The following FBXL18 variants were observed in gnomAD, a reference collection of about 807,000 sequenced individuals.
FBXL18 encodes F-box and leucine rich repeat protein 18, also known as F-box/LRR-repeat protein 18.
A neutral mutation model predicts 46.0 loss-of-function variants in FBXL18; 36 were observed. The observed-to-expected ratio is 0.78, with a 90% CI of 0.60 to 1.03. FBXL18 has a LOEUF of 1.03. Among genes scored for constraint, FBXL18 ranks in the 50% least tolerant of loss-of-function variants. The pLI is 0.00. For missense variants in FBXL18, 977 were observed against 1,004.1 expected (o/e 0.97, Z 0.36); for synonymous variants, 557 against 465.3 (o/e 1.20, Z -2.54).
intron 4 of FBXL18, among the ~76,000 whole-genome samples, chr7:5,464,697 A>C (rs1456791883): frequency 1.4e-4 from 15 of 108,912 alleles, no homozygotes; most frequent in African/African-American, 4.8e-4. Flanking sequence ...TAAGATGGTT[A>C]ATTAAAAAAA....
At chr7:5,457,294 C>A (rs955387905) in intron 4 of FBXL18, among the ~76,000 whole-genome samples, 12 of 152,202 alleles carry the variant, frequency 7.9e-5, no homozygotes, top group Non-Finnish European at 1.6e-4. Flanking sequence ...TGCTCTCATT[C>A]CCCTGGTCAG....
chr7:5,488,908 T>C (rs1178848673), intron 4 of FBXL18, among the ~76,000 whole-genome samples: 1 of 152,200 alleles, frequency 6.6e-6, no homozygotes, highest in Non-Finnish European at 1.5e-5. Context: ...CTAAGCCCTT[T>C]GGAGCCTGTG....
intron 4 of FBXL18, among the ~76,000 whole-genome samples, chr7:5,467,525 G>A (rs1268575340): frequency 6.6e-6 from 1 of 151,490 alleles, no homozygotes; most frequent in Non-Finnish European, 1.5e-5. Context: ...CAGCCTGGGA[G>A]GCAGAGTGAG....
intron 4 of FBXL18, among the ~76,000 whole-genome samples, chr7:5,458,317 C>A (rs1342140229): frequency 1.3e-5 from 2 of 152,202 alleles, no homozygotes; most frequent in African/African-American, 4.8e-5. Context: ...GTAATCCCAG[C>A]ATTTTGGGAG....
intron 4 of FBXL18, among the ~76,000 whole-genome samples, chr7:5,485,565 GCACT>G (rs765521327): frequency 2.3e-4 from 35 of 152,246 alleles, no homozygotes; most frequent in Non-Finnish European, 4.6e-4. Flanking sequence ...TGTAATCCCA[GCACT>G]CTGGGAAGCT....
chr7:5,464,289 G>C lies in FBXL18; in HGVS notation c.2001-16446C>G, dbSNP rs374484058. On this transcript the variant is annotated intron_variant and NMD_transcript_variant, in intron 4 of 6. Transcript: ENST00000415009. Reference sequence around the variant, plus strand: ...AGGTCAGGAGTTCAAGACCAGCCTGGTCAACATGACAAAACCCTGTCTCTA... The same window carrying C: ...AGGTCAGGAGTTCAAGACCAGCCTGCTCAACATGACAAAACCCTGTCTCTA... Among the ~76,000 whole-genome samples, 6 of 152,140 alleles carry C rather than the reference G, an allele frequency of 3.9e-5. No individual in the cohort carries two copies. In the East Asian group the frequency reaches 9.8e-4, roughly 25 times the overall value.
chr7:5,496,337 C>T lies in FBXL18; in HGVS notation c.1781+4151G>A, dbSNP rs1038250446. On this transcript the variant is annotated intron_variant, in intron 3 of 4. Transcript: ENST00000382368. This position sits in a 1 kb window ranked among gnomAD's most constrained non-coding sequence, Gnocchi z 4.8. ...TGCCGTCACCTCTGCCTCTTGCTTCCGGAACACCCCCTCCCTCCGGCCAGT... is the reference window on the plus strand; with the variant it reads ...TGCCGTCACCTCTGCCTCTTGCTTCTGGAACACCCCCTCCCTCCGGCCAGT... Among the ~76,000 whole-genome samples the T allele has an allele frequency of 1.3e-5, 2 of 152,152 alleles. No homozygotes were observed. The highest frequency in any genetic ancestry group is 4.8e-5 in the African/African-American group (2 of 41,434).
chr7:5,462,950 CAAAAAA>C (rs138208570), intron 4 of FBXL18, among the ~76,000 whole-genome samples: 544 of 22,380 alleles, frequency 0.024, 57 homozygotes, highest in African/African-American at 0.07. Context: ...GACTTGGTCT[CAAAAAA>C]AAAAAAAAAA....
rs1486806348 is a variant in FBXL18, at chr7:5,455,126, C to T, written c.2001-7283G>A. Among the ~76,000 whole-genome samples, 1 of 152,192 alleles carries T rather than the reference C, an allele frequency of 6.6e-6. No individual in the cohort carries two copies. The highest frequency in any genetic ancestry group is 2.4e-5 in the African/African-American group (1 of 41,446). On this transcript the variant is annotated intron_variant and NMD_transcript_variant, in intron 4 of 6. Transcript: ENST00000415009. This position sits in a 1 kb window ranked among gnomAD's most constrained non-coding sequence, Gnocchi z 4.6. ...AAACTCGAGGCTGGCTTCCTATCCTCTTGCTCAGGGAGCAACCCTGGCACT... is the reference window on the plus strand; with the variant it reads ...AAACTCGAGGCTGGCTTCCTATCCTTTTGCTCAGGGAGCAACCCTGGCACT...
Position 5,501,735 on chromosome 7 carries a change from C to T in FBXL18, c.534G>A (p.Gln178=). ...ATLSRVRELK[Q]TLFTPSYGVV... ...CGCCGTAGGAGGGAGTGAACAGCGTCTGCTTGAGCTCCCGCACGCGGCTCA... is the reference window on the plus strand; with the variant it reads ...CGCCGTAGGAGGGAGTGAACAGCGTTTGCTTGAGCTCCCGCACGCGGCTCA... Residue 178 remains glutamine, a synonymous_variant, in exon 3 of 5, where the codon CAG becomes CAA. Coordinates refer to ENST00000382368, the MANE Select transcript of FBXL18 (RefSeq NM_024963.6). The T allele has an allele frequency of 6.4e-7, 1 of 1,570,132 alleles. No individual in the cohort carries two copies. The highest frequency in any genetic ancestry group is 8.6e-7 in the Non-Finnish European group (1 of 1,157,154).
downstream of FBXL18, among the ~76,000 whole-genome samples, chr7:5,473,750 G>A (rs1783463864): frequency 7.0e-6 from 1 of 142,210 alleles, no homozygotes; most frequent in Non-Finnish European, 1.5e-5. Context: ...GACAGAATGG[G>A]ACTCCATCTC....
intron 4 of FBXL18, among the ~76,000 whole-genome samples, chr7:5,468,267 C>G (rs145779613): frequency 0.026 from 3,928 of 151,160 alleles, 74 homozygotes; most frequent in Middle Eastern, 0.054. Context: ...ACAGGCATGA[C>G]CCACTGCGCC....
chr7:5,472,369 G>C (rs935971503), downstream of FBXL18, among the ~76,000 whole-genome samples: 1 of 152,204 alleles, frequency 6.6e-6, no homozygotes, highest in African/African-American at 2.4e-5. Flanking sequence ...TTCTGGGACT[G>C]CCTTGGTCAA....
At chr7:5,465,538 G>A (rs1037718468) in intron 4 of FBXL18, among the ~76,000 whole-genome samples, 2 of 151,892 alleles carry the variant, frequency 1.3e-5, no homozygotes, top group Non-Finnish European at 2.9e-5. Context: ...GCAGTGGTGC[G>A]ATCATAGCTC....
intron 3 of FBXL18, among the ~76,000 whole-genome samples, chr7:5,499,460 A>G (rs1193188607): frequency 1.3e-5 from 2 of 152,182 alleles, no homozygotes; most frequent in Non-Finnish European, 2.9e-5. Flanking sequence ...AGGCGTGGTG[A>G]CTTATGCCTT....
intron 4 of FBXL18, among the ~76,000 whole-genome samples, chr7:5,463,493 CTTGCAG>C (rs1156801477): frequency 6.6e-6 from 1 of 151,504 alleles, no homozygotes. Flanking sequence ...GTGGTGCATG[CTTGCAG>C]TCCCAGCTAC....
In FBXL18 at chr7:5,501,588, G is replaced by C; in HGVS notation, c.681C>G (p.Tyr227Ter). Reference protein sequence around the residue: ...LMVGQSNVPHYQNLRVFYARL... With the variant: ...LMVGQSNVPH ...GCGCATAGAAGACCCGCAGGTTCTG[G>C]TAGTGCGGCACGTTGCTCTGGCCCA... The change falls in exon 3 of 5, where the codon TAC becomes TAG. Residue 227 changes from tyrosine (Y) to a stop codon, truncating the protein, a stop_gained. Coordinates refer to ENST00000382368, the MANE Select transcript of FBXL18 (RefSeq NM_024963.6). LOFTEE classifies it high-confidence loss of function. 1 of 1,613,952 alleles carries C rather than the reference G, an allele frequency of 6.2e-7. No homozygotes were observed. The highest frequency in any genetic ancestry group is 8.5e-7 in the Non-Finnish European group (1 of 1,180,032).
chr7:5,466,837 G>A (rs149426667), intron 4 of FBXL18, among the ~76,000 whole-genome samples: 292 of 152,290 alleles, frequency 1.9e-3, no homozygotes, highest in African/African-American at 5.9e-3. Flanking sequence ...CCTCAATCCC[G>A]GAGGCAGCCA....
intron 3 of FBXL18, among the ~76,000 whole-genome samples, chr7:5,494,015 G>A (rs981312178): frequency 7.2e-5 from 11 of 151,942 alleles, no homozygotes; most frequent in South Asian, 2.1e-4. Context: ...GCTCATGCCT[G>A]TAATCCCAGC....
Sources: gnomAD v4.1 joint callset for allele counts (sites outside exome capture counted in the v4.1 genomes callset) on GRCh38, gnomAD v4.1.1 for gene constraint, Gnocchi (gnomAD v3.1) non-coding constraint, MANE v1.5 for transcripts, NCBI Gene and HGNC (gene_info 2026-07-23, HGNC 2026-07-21) for gene names.